The following PTPRR variants were observed in gnomAD, a reference collection of about 807,000 sequenced individuals.
The protein encoded by PTPRR is protein tyrosine phosphatase receptor type R.
In PTPRR, 38 loss-of-function variants were observed where a neutral mutation model predicts 77.2. That is an observed-to-expected ratio of 0.49 (90% CI 0.38 to 0.65). The LOEUF is 0.65. PTPRR is among the 30% of genes least tolerant of loss of function. The pLI is 0.00. For missense variants in PTPRR, 744 were observed against 799.2 expected, an observed-to-expected ratio of 0.93 and a Z score of 0.83; for synonymous variants, 299 against 283.1, an observed-to-expected ratio of 1.06 and a Z score of -0.57.
At chr12:70,745,052 C>T (rs1320801130) in intron 6 of PTPRR, among the ~76,000 whole-genome samples, 1 of 151,974 alleles carries the variant, frequency 6.6e-6, no homozygotes, top group Non-Finnish European at 1.5e-5. Flanking sequence ...GGTAAGGCAA[C>T]AAAAATAATG....
intron 2 of PTPRR, among the ~76,000 whole-genome samples, chr12:70,817,509 T>TTCATCTA (rs1381239058): frequency 6.6e-6 from 1 of 152,202 alleles, no homozygotes; most frequent in Admixed American, 6.5e-5. Context: ...GTAGTTAATT[T>TTCATCTA]TCATCTATTT....
At chr12:70,745,637 G>T (rs570751848) in intron 6 of PTPRR, among the ~76,000 whole-genome samples, 181 bp downstream of exon 6, 79 of 152,274 alleles carry the variant, frequency 5.2e-4, no homozygotes, top group African/African-American at 1.8e-3. Context: ...ATACCTAACA[G>T]ATTTTATCTA....
chr12:70,712,994 T>C (rs1231139521), intron 6 of PTPRR, among the ~76,000 whole-genome samples: 1 of 152,156 alleles, frequency 6.6e-6, no homozygotes, highest in Non-Finnish European at 1.5e-5. Context: ...TTAAAGCATT[T>C]TCCTCACTCC....
intron 2 of PTPRR, among the ~76,000 whole-genome samples, chr12:70,773,275 G>C (rs1891020155): frequency 1.3e-5 from 2 of 152,136 alleles, no homozygotes; most frequent in South Asian, 4.1e-4. Context: ...TGGAAGGCTA[G>C]AACTTCAACA....
chr12:70,754,340 G>C (rs762024696), intron 4 of PTPRR, 39 bp from the exon 5 acceptor site: 1 of 1,609,548 alleles, frequency 6.2e-7, no homozygotes, highest in Non-Finnish European at 8.5e-7. Context: ...TTAAATGAGA[G>C]CTTGAGAAAA....
chr12:70,683,981 ATAT>A (rs1887766480), intron 10 of PTPRR, 143 bp downstream of exon 10: 3 of 784,678 alleles, frequency 3.8e-6, no homozygotes, highest in Non-Finnish European at 5.8e-6. Flanking sequence ...AGCACTTATT[ATAT>A]TTGGGATGTA....
At chr12:70,711,878 C>A (rs773986239) in intron 6 of PTPRR, among the ~76,000 whole-genome samples, 1 of 152,076 alleles carries the variant, frequency 6.6e-6, no homozygotes, top group African/African-American at 2.4e-5. Flanking sequence ...AACTCTCAAT[C>A]AAAATTATGA....
At chr12:70,884,596 G>A (rs1280844458) in intron 2 of PTPRR, among the ~76,000 whole-genome samples, 1 of 151,882 alleles carries the variant, frequency 6.6e-6, no homozygotes, top group Admixed American at 6.6e-5. Context: ...TGCCAGGCGC[G>A]GTGGCTCACG....
chr12:70,879,194 A>T (rs1406637475), intron 2 of PTPRR, among the ~76,000 whole-genome samples: 1 of 152,160 alleles, frequency 6.6e-6, no homozygotes, highest in African/African-American at 2.4e-5. Flanking sequence ...TGGCACATGT[A>T]TACATATGTA....
At chr12:70,781,389 A>G (rs946842374) in intron 2 of PTPRR, among the ~76,000 whole-genome samples, 1 of 152,242 alleles carries the variant, frequency 6.6e-6, no homozygotes, top group East Asian at 1.9e-4. Context: ...CTGGAGGTTA[A>G]GAAAAATGTG....
At chr12:70,786,929 A>G (rs1287557019) in intron 2 of PTPRR, among the ~76,000 whole-genome samples, 1 of 152,234 alleles carries the variant, frequency 6.6e-6, no homozygotes, top group African/African-American at 2.4e-5. Flanking sequence ...AAATGAATAA[A>G]GGCAGAGTGT....
intron 2 of PTPRR, among the ~76,000 whole-genome samples, chr12:70,809,771 T>G (rs1252080404): frequency 6.6e-6 from 1 of 152,186 alleles, no homozygotes; most frequent in African/African-American, 2.4e-5. Flanking sequence ...GTTTCATCTA[T>G]CAATACGAAC....
At chr12:70,818,762 G>T (rs1417106208) in intron 2 of PTPRR, among the ~76,000 whole-genome samples, 2 of 151,736 alleles carry the variant, frequency 1.3e-5, no homozygotes, top group Non-Finnish European at 2.9e-5. Flanking sequence ...TTATATTAAA[G>T]ATATTTTCAG....
intron 8 of PTPRR, among the ~76,000 whole-genome samples, chr12:70,690,124 A>G (rs1436433666): frequency 6.6e-6 from 1 of 152,202 alleles, no homozygotes; most frequent in East Asian, 1.9e-4. Context: ...ATGCAAAGGT[A>G]ATACCCTAGG....
intron 2 of PTPRR, among the ~76,000 whole-genome samples, chr12:70,785,079 A>G (rs1891294273): frequency 6.6e-6 from 1 of 152,208 alleles, no homozygotes. Flanking sequence ...TTTTGAATTC[A>G]AAATCTCTGC....
intron 1 of PTPRR, 21 bp downstream of exon 1, chr12:70,920,312 C>G (rs1173288263): frequency 6.2e-7 from 1 of 1,611,224 alleles, no homozygotes; most frequent in Non-Finnish European, 8.5e-7. Flanking sequence ...AGCTCCGGCT[C>G]TAAGCCTGGC....
intron 10 of PTPRR, among the ~76,000 whole-genome samples, chr12:70,669,899 C>G (rs943531818): frequency 6.6e-6 from 1 of 152,086 alleles, no homozygotes; most frequent in Non-Finnish European, 1.5e-5. Context: ...TTAAATGTCT[C>G]CCCCTTGGGC....
intron 1 of PTPRR, among the ~76,000 whole-genome samples, chr12:70,908,491 G>C (rs1592828420): frequency 6.6e-6 from 1 of 152,128 alleles, no homozygotes; most frequent in Admixed American, 6.6e-5. Context: ...CCCAGAGAAG[G>C]GGGGAAGTCC....
rs1039094331 is a variant in PTPRR at position 70,896,299 on chromosome 12, C to T, written c.59-3322G>A. Among the ~76,000 whole-genome samples the T allele has an allele frequency of 4.6e-5, 7 of 151,574 alleles. No individual in the cohort carries two copies. The South Asian group carries it at 1.4e-3, about 31-fold the overall frequency. ...ATTATCATTGAAGATTTTAACTGTT[C>T]CCTCTCAATAGTAAGTAGATTGAGG... On this transcript the variant is annotated intron_variant, in intron 1 of 13. Coordinates refer to ENST00000283228, the MANE Select transcript of PTPRR (RefSeq NM_002849.4).
Sources: gnomAD v4.1 joint callset for allele counts (sites outside exome capture counted in the v4.1 genomes callset) on GRCh38, gnomAD v4.1.1 for gene constraint, MANE v1.5 for transcripts, NCBI Gene and HGNC (gene_info 2026-07-23, HGNC 2026-07-21) for gene names.